The following TNFRSF10B variants were observed in gnomAD, a reference collection of about 807,000 sequenced individuals.
TNFRSF10B encodes tumor necrosis factor receptor superfamily member 10B.
A neutral mutation model predicts 41.4 loss-of-function variants in TNFRSF10B; 35 were observed. The observed-to-expected ratio is 0.85, with a 90% CI of 0.65 to 1.12. The LOEUF is 1.12. TNFRSF10B is among the 50% of genes most tolerant of loss of function. The probability of loss-of-function intolerance (pLI) is 0.00; values close to 1 mark genes in which losing one functional copy is unlikely to be tolerated. For missense variants in TNFRSF10B, 584 were observed against 552.7 expected (o/e 1.06, Z -0.57); for synonymous variants, 230 against 215.5 (o/e 1.07, Z -0.59).
At position 23,020,534 on chromosome 8, in the gene TNFRSF10B, A is replaced by G; in HGVS notation, c.*2137T>C. On this transcript the variant is annotated 3_prime_UTR_variant, in exon 9 of 9. Transcript: ENST00000276431. ...TGGTGAAACCCCGTCTCTACTAAAA[A>G]TACAAAAATTAGCCAGGCGTGGTGG... The G allele has an allele frequency of 2.2e-6, 1 of 446,768 alleles. No individual in the cohort carries two copies. Among genetic ancestry groups the G allele is most frequent in the Non-Finnish European group, 4.5e-6 (1 of 222,108 alleles). 27.7% of individuals were successfully genotyped at this position (446,768 alleles called of 1,614,324 possible). A position where few individuals can be genotyped will look rare whatever the true frequency, so the allele number is the denominator to read the frequency against.
chr8:23,025,661 A>G (rs1332840725), intron 7 of TNFRSF10B, among the ~76,000 whole-genome samples: 2 of 152,236 alleles, frequency 1.3e-5, no homozygotes, highest in Non-Finnish European at 2.9e-5. Flanking sequence ...ACAAGAAATT[A>G]TCCACTGTAG....
At chr8:23,048,088 GA>G (rs1331190212) in intron 1 of TNFRSF10B, among the ~76,000 whole-genome samples, 3 of 152,156 alleles carry the variant, frequency 2.0e-5, no homozygotes, top group Non-Finnish European at 4.4e-5. Context: ...CATGCTAAGT[GA>G]AATAAGTGAG....
rs915747837 is a variant in TNFRSF10B at position 23,027,368 on chromosome 8, G to A, written c.781-80C>T. The A allele has an allele frequency of 1.9e-6, 3 of 1,556,984 alleles. No homozygotes were observed. In the African/African-American group the frequency reaches 4.1e-5, roughly 21 times the overall value. ...CTCGCTGCAGGGTCCTCAGTATGCA[G>A]CTGCACCTGACATCCCCACCCCCTC... is the stretch of plus-strand genomic sequence containing the variant. On this transcript the variant is annotated intron_variant, in intron 6 of 8. Transcript: ENST00000276431.
At chr8:23,061,827 A>T (rs973712658) in intron 1 of TNFRSF10B, among the ~76,000 whole-genome samples, 2 of 152,184 alleles carry the variant, frequency 1.3e-5, no homozygotes, top group Non-Finnish European at 2.9e-5. Context: ...TATTAATGCA[A>T]TGTATTACAT....
chr8:23,027,913 GA>G (rs748016543), intron 5 of TNFRSF10B, 160 bp from the exon 6 acceptor site: 129 of 767,450 alleles, frequency 1.7e-4, no homozygotes, highest in South Asian at 5.8e-4. Context: ...GAGACACCCT[GA>G]GGAAGGGGGA....
At chr8:23,060,640 T>C (rs1410072656) in intron 1 of TNFRSF10B, among the ~76,000 whole-genome samples, 1 of 152,238 alleles carries the variant, frequency 6.6e-6, no homozygotes, top group Non-Finnish European at 1.5e-5. Flanking sequence ...AGAAATTCCA[T>C]ATGAATTTTA....
chr8:23,066,958 A>T (rs1261891189), intron 1 of TNFRSF10B, among the ~76,000 whole-genome samples: 1 of 151,928 alleles, frequency 6.6e-6, no homozygotes, highest in South Asian at 2.1e-4. Flanking sequence ...AAGAAATTCA[A>T]CATAACTCTG....
At chr8:23,023,764 TC>T (rs1811616641) in intron 8 of TNFRSF10B, among the ~76,000 whole-genome samples, 1 of 152,224 alleles carries the variant, frequency 6.6e-6, no homozygotes. Context: ...TATTTTCCAC[TC>T]TTTTTTGCAT....
At chr8:23,037,898 T>C (rs1463913402) in intron 2 of TNFRSF10B, among the ~76,000 whole-genome samples, 1 of 152,182 alleles carries the variant, frequency 6.6e-6, no homozygotes, top group Non-Finnish European at 1.5e-5. Flanking sequence ...TTACCCTTAG[T>C]GGCCTGTTAT....
At position 23,022,872 on chromosome 8, in the gene TNFRSF10B, C is replaced by A. The variant is rs749288232; in HGVS notation, c.1122G>T (p.Glu374Asp). 1.9e-6 allele frequency: 3 copies of A among 1,614,000 alleles called. No homozygotes were observed. The South Asian group carries it at 3.3e-5, about 18-fold the overall frequency. The stretch of plus-strand genomic sequence containing the variant: ...ACAAGGTGTCCCTGTGGCCCGCTGC[C>A]TCAGCTTTAGCCACCTTTATCTCAT... ...MDNEIKVAKA[E>D]AAGHRDTLYT... is the part of the protein sequence containing the mutation. Residue 374 changes from glutamate (E) to aspartate (D), a missense_variant, in exon 9 of 9, where the codon GAG (glutamate) becomes GAT (aspartate). Coordinates refer to ENST00000276431, the MANE Select transcript of TNFRSF10B (RefSeq NM_003842.5).
At chr8:23,044,122 C>G (rs965394012) in intron 1 of TNFRSF10B, among the ~76,000 whole-genome samples, 3 of 152,172 alleles carry the variant, frequency 2.0e-5, no homozygotes, top group African/African-American at 7.2e-5. Flanking sequence ...ATTGACTCAT[C>G]ACAAAACAAT....
chr8:23,039,940 C>T (rs1170377585), intron 2 of TNFRSF10B, among the ~76,000 whole-genome samples: 1 of 152,074 alleles, frequency 6.6e-6, no homozygotes, highest in Non-Finnish European at 1.5e-5. Context: ...TACCTGTAAT[C>T]CCAACACTTT....
At chr8:23,040,866 T>C (rs1181123540) in intron 2 of TNFRSF10B, among the ~76,000 whole-genome samples, 2 of 152,132 alleles carry the variant, frequency 1.3e-5, no homozygotes, top group Admixed American at 6.6e-5. Flanking sequence ...TACATAATCA[T>C]AGTGATTCAT....
chr8:23,035,300 T>C (rs987503466), intron 2 of TNFRSF10B, among the ~76,000 whole-genome samples: 1 of 152,066 alleles, frequency 6.6e-6, no homozygotes, highest in Non-Finnish European at 1.5e-5. Flanking sequence ...TGCCACCACA[T>C]CCAACTAATT....
intron 1 of TNFRSF10B, among the ~76,000 whole-genome samples, chr8:23,055,521 TAAAA>T (rs34761330): frequency 4.1e-5 from 5 of 120,536 alleles, no homozygotes; most frequent in Non-Finnish European, 5.3e-5. Context: ...ATTAAATGCT[TAAAA>T]AAAAAAAAAA....
chr8:23,029,496 A>T, intron 4 of TNFRSF10B, 114 bp downstream of exon 4: 1 of 1,038,826 alleles, frequency 9.6e-7, no homozygotes, highest in Non-Finnish European at 1.4e-6. Flanking sequence ...AGGGGCAGCC[A>T]CAGCCTCAAG....
intron 2 of TNFRSF10B, among the ~76,000 whole-genome samples, chr8:23,037,735 TG>T (rs1197661860): frequency 6.6e-6 from 1 of 152,188 alleles, no homozygotes; most frequent in African/African-American, 2.4e-5. Flanking sequence ...CAATGTCAGC[TG>T]GGTGGCAGTA....
At position 23,020,326 on chromosome 8, in the gene TNFRSF10B, C is replaced by T; in HGVS notation, c.*2345G>A. ...TGTCCTGTGTCACATGCTATTTGGC[C>T]TGGGGATATAGCAAAGCCTAATGTA... On this transcript the variant is annotated 3_prime_UTR_variant, in exon 9 of 9. Coordinates refer to ENST00000276431, the MANE Select transcript of TNFRSF10B (RefSeq NM_003842.5). 2.2e-6 allele frequency: 1 copy of T among 454,086 alleles called. No homozygotes were observed. Among genetic ancestry groups the T allele is most frequent in the African/African-American group, 2.0e-5 (1 of 50,104 alleles). 28.1% of individuals were successfully genotyped at this position (454,086 alleles called of 1,614,324 possible).
At chr8:23,031,014 A>T (rs779563570) in intron 2 of TNFRSF10B, 142 bp from the exon 3 acceptor site, 7 of 681,560 alleles carry the variant, frequency 1.0e-5, no homozygotes, top group Non-Finnish European at 1.9e-5. Flanking sequence ...CAGTTCATCA[A>T]TTCTGCATTT....
Sources: gnomAD v4.1 joint callset for allele counts (sites outside exome capture counted in the v4.1 genomes callset) on GRCh38, gnomAD v4.1.1 for gene constraint, MANE v1.5 for transcripts, NCBI Gene and HGNC (gene_info 2026-07-23, HGNC 2026-07-21) for gene names.